Variants in MPRIP observed in about 807,000 individuals in gnomAD.
The protein encoded by MPRIP is myosin phosphatase Rho-interacting protein.
MPRIP carries 59 observed loss-of-function variants against 234.9 expected under a neutral mutation model. The ratio of observed to expected loss-of-function variants is 0.25; its 90% CI spans 0.20 to 0.31. MPRIP has a LOEUF of 0.31. Among genes scored for constraint, MPRIP ranks in the 10% least tolerant of loss-of-function variants. MPRIP has a pLI of 1.00. For missense variants in MPRIP, 2,436 were observed against 3,071.0 expected (o/e 0.79, Z 4.89); for synonymous variants, 1,144 against 1,263.9 (o/e 0.91, Z 2.01).
At chr17:17,124,083 C>G (rs1469921047) in intron 3 of MPRIP, among the ~76,000 whole-genome samples, 1 of 152,212 alleles carries the variant, frequency 6.6e-6, no homozygotes, top group Non-Finnish European at 1.5e-5. Flanking sequence ...ATAGAACCCT[C>G]ACTTTGCACA....
Position 17,042,811 on chromosome 17 carries a change from G to GCGCCGCCGCCGCCGCCGCCGT in MPRIP, c.-28_-8dup, listed in dbSNP as rs980998209. 2 of 1,339,588 alleles carry GCGCCGCCGCCGCCGCCGCCGT rather than the reference G, an allele frequency of 1.5e-6. No individual in the cohort carries two copies. The highest frequency in any genetic ancestry group is 2.4e-5 in the Admixed American group (1 of 41,098). The allele number at this position is 1,339,588 out of a possible 1,614,324, so 83.0% of individuals were successfully genotyped here. A position where few individuals can be genotyped will look rare whatever the true frequency, so the allele number is the denominator to read the frequency against. ...CGGGAGCGCCAGGCCGGCCAGGCCT[G>GCGCCGCCGCCGCCGCCGCCGT]CGCCGCCGCCGCCGCCGCCGTCGCC... On this transcript the variant is annotated 5_prime_UTR_variant, in exon 1 of 24. Coordinates refer to ENST00000651222, the MANE Select transcript of MPRIP (RefSeq NM_001364716.4).
At chr17:17,050,314 C>CAA (rs66950979) in intron 1 of MPRIP, among the ~76,000 whole-genome samples, 127 of 92,090 alleles carry the variant, frequency 1.4e-3, no homozygotes, top group South Asian at 3.1e-3. Flanking sequence ...GACTCCGTCT[C>CAA]AAAAAAAAAA....
Position 17,187,106 on chromosome 17 carries a change from G to A in MPRIP, c.*2212G>A, listed in dbSNP as rs1265936638. 1 of 152,334 alleles carries A rather than the reference G, an allele frequency of 6.6e-6. No individual in the cohort carries two copies. Among genetic ancestry groups the A allele is most frequent in the East Asian group, 1.9e-4 (1 of 5,194 alleles). The allele number at this position is 152,334 out of a possible 1,614,324, so 9.4% of individuals were successfully genotyped here. On this transcript the variant is annotated 3_prime_UTR_variant, in exon 24 of 24. Transcript: ENST00000651222. Reference sequence around the variant, plus strand: ...TGCCTTCTGCCCTCCAGGGGGTTCTGGCCAGAGTCCATGCTTGGAGACAGG... The same window carrying A: ...TGCCTTCTGCCCTCCAGGGGGTTCTAGCCAGAGTCCATGCTTGGAGACAGG...
chr17:17,044,704 A>G (rs1322602321), intron 1 of MPRIP, among the ~76,000 whole-genome samples: 1 of 152,306 alleles, frequency 6.6e-6, no homozygotes, highest in East Asian at 1.9e-4. Flanking sequence ...TAGATAAACT[A>G]GGATGGAATC....
rs1250558270 is a variant in MPRIP at position 17,138,807 on chromosome 17, TGTG to T, written c.1250+382_1250+384del. Among the ~76,000 whole-genome samples the T allele has an allele frequency of 6.6e-6, 1 of 152,120 alleles. No homozygotes were observed. Among genetic ancestry groups the T allele is most frequent in the Non-Finnish European group, 1.5e-5 (1 of 68,004 alleles). On this transcript the variant is annotated intron_variant, in intron 7 of 23. Coordinates refer to ENST00000651222, the MANE Select transcript of MPRIP (RefSeq NM_001364716.4). The surrounding 1 kb of genome is among the most constrained non-coding windows in gnomAD (Gnocchi z 5.8). ...GAGGCAGGGAGTCCCTAGAGCTACA[TGTG>T]GTGACAGAGGCGCTCCTCACCCTGG... is the stretch of plus-strand genomic sequence containing the variant.
chr17:17,107,515 G>T (rs540738328), intron 3 of MPRIP, among the ~76,000 whole-genome samples: 1 of 152,342 alleles, frequency 6.6e-6, no homozygotes, highest in Admixed American at 6.5e-5. Context: ...CACTGTTGGT[G>T]CAGGGAGACA....
At chr17:17,124,312 G>A (rs2090450834) in intron 3 of MPRIP, among the ~76,000 whole-genome samples, 1 of 152,204 alleles carries the variant, frequency 6.6e-6, no homozygotes, top group South Asian at 2.1e-4. Flanking sequence ...TCAAAGTGGG[G>A]TCTGTGCCTC....
intron 1 of MPRIP, among the ~76,000 whole-genome samples, chr17:17,069,484 T>C (rs76675332): frequency 1.4e-5 from 2 of 145,948 alleles, no homozygotes; most frequent in African/African-American, 5.0e-5. Context: ...TTTGTTTTGC[T>C]TTTTTTTTTT....
chr17:17,179,948 G>T, intron 22 of MPRIP, 55 bp from the exon 23 acceptor site: 2 of 1,414,140 alleles, frequency 1.4e-6, no homozygotes, highest in Non-Finnish European at 2.0e-6. Context: ...TCTGGTTCCA[G>T]AGGGTTTTAG....
At chr17:17,111,222 T>TA (rs1352013301) in intron 3 of MPRIP, among the ~76,000 whole-genome samples, 249 of 22,722 alleles carry the variant, frequency 0.011, 55 homozygotes, top group Middle Eastern at 0.062. Flanking sequence ...CAAGGGGTAG[T>TA]CCCAAAAAAA....
chr17:17,089,252 A>G (rs944996781), intron 3 of MPRIP, among the ~76,000 whole-genome samples: 7 of 152,132 alleles, frequency 4.6e-5, no homozygotes, highest in Non-Finnish European at 5.9e-5. Context: ...CCACTTAGCT[A>G]AGGTCCAGAT....
At chr17:17,047,132 G>T (rs951608422) in intron 1 of MPRIP, among the ~76,000 whole-genome samples, 1 of 152,218 alleles carries the variant, frequency 6.6e-6, no homozygotes, top group Non-Finnish European at 1.5e-5. Flanking sequence ...ATTGAGCCAA[G>T]ATCGTGCCAC....
In MPRIP at chr17:17,189,818, G is replaced by T. The variant is rs4985744; in HGVS notation, c.*4924G>T. The T allele has an allele frequency of 6.6e-6, 1 of 152,128 alleles. No homozygotes were observed. Among genetic ancestry groups the T allele is most frequent in the Non-Finnish European group, 1.5e-5 (1 of 68,056 alleles). The allele number at this position is 152,128 out of a possible 1,614,324, so 9.4% of individuals were successfully genotyped here. On this transcript the variant is annotated 3_prime_UTR_variant, in exon 24 of 24. Coordinates refer to ENST00000651222, the MANE Select transcript of MPRIP (RefSeq NM_001364716.4). Reference sequence around the variant, plus strand: ...TGACACAGGCCAGAGACAACGTTTCGTTTCCCCTTCCCTGCAAGCTGGGAT... The same window carrying T: ...TGACACAGGCCAGAGACAACGTTTCTTTTCCCCTTCCCTGCAAGCTGGGAT...
chr17:17,169,270 C>T (rs561327467), intron 16 of MPRIP, among the ~76,000 whole-genome samples: 1 of 152,314 alleles, frequency 6.6e-6, no homozygotes, highest in Admixed American at 6.5e-5. Flanking sequence ...GCTTTGACCC[C>T]AAATACGCTT....
chr17:17,073,443 CCA>C (rs2089249655), intron 1 of MPRIP, among the ~76,000 whole-genome samples: 1 of 152,206 alleles, frequency 6.6e-6, no homozygotes, highest in Non-Finnish European at 1.5e-5. Flanking sequence ...CCTTGGCTCC[CCA>C]CAGTTCCTCC....
intron 14 of MPRIP, 33 bp from the exon 15 acceptor site, chr17:17,161,207 T>C: frequency 6.7e-7 from 1 of 1,495,664 alleles, no homozygotes; most frequent in Non-Finnish European, 9.2e-7. Flanking sequence ...TCATTGTCAT[T>C]TTGCATAAAA....
chr17:17,045,100 C>T (rs1030531740), intron 1 of MPRIP, among the ~76,000 whole-genome samples: 4 of 152,156 alleles, frequency 2.6e-5, no homozygotes, highest in African/African-American at 9.7e-5. Context: ...CATCAGTCTC[C>T]CCCAAGCCCC....
chr17:17,092,539 C>T (rs1262465305), intron 3 of MPRIP, among the ~76,000 whole-genome samples: 2 of 152,106 alleles, frequency 1.3e-5, no homozygotes, highest in South Asian at 2.1e-4. Context: ...TGGGAATTCC[C>T]GAAGGCTTCC....
chr17:17,050,828 C>T (rs1016489807), intron 1 of MPRIP, among the ~76,000 whole-genome samples: 8 of 151,714 alleles, frequency 5.3e-5, no homozygotes, highest in African/African-American at 1.2e-4. Flanking sequence ...TGTGGGGAGC[C>T]GGTGAGGGCC....
Sources: gnomAD v4.1 joint callset for allele counts (sites outside exome capture counted in the v4.1 genomes callset) on GRCh38, gnomAD v4.1.1 for gene constraint, Gnocchi (gnomAD v3.1) non-coding constraint, MANE v1.5 for transcripts, NCBI Gene and HGNC (gene_info 2026-07-23, HGNC 2026-07-21) for gene names.